DIDO1: variants seen among roughly 807,000 people sequenced by gnomAD.
DIDO1 encodes death-inducer obliterator 1.
In DIDO1, 16 loss-of-function variants were observed where a neutral mutation model predicts 99.4. The ratio of observed to expected loss-of-function variants is 0.16; its 90% CI spans 0.11 to 0.24. DIDO1 has a LOEUF of 0.24. Ranked by LOEUF, DIDO1 falls within the 10% of genes least tolerant of loss-of-function variation. The probability of loss-of-function intolerance (pLI) is 1.00; values close to 1 mark genes in which losing one functional copy is unlikely to be tolerated. For synonymous variants in DIDO1, 1,366 were observed against 1,239.1 expected (o/e 1.10, Z -2.15); for missense variants, 2,996 against 3,014.0 (o/e 0.99, Z 0.14).
At chr20:62,905,714 C>T in intron 6 of DIDO1, 173 bp downstream of exon 6, 1 of 1,607,370 alleles carries the variant, frequency 6.2e-7, no homozygotes, top group Non-Finnish European at 8.5e-7. Flanking sequence ...GGGATGGACA[C>T]AGGGCAGCAG....
chr20:62,888,315 C>T, intron 15 of DIDO1: 2 of 985,568 alleles, frequency 2.0e-6, no homozygotes, highest in African/African-American at 1.7e-5. Context: ...CCCAACAGGA[C>T]CTTCTCCTTA....
At chr20:62,916,196 A>T (rs1006389283) in intron 1 of DIDO1, among the ~76,000 whole-genome samples, 1 of 152,212 alleles carries the variant, frequency 6.6e-6, no homozygotes, top group South Asian at 2.1e-4. Context: ...CTGCAACCAT[A>T]TTGTATCAGT....
chr20:62,928,206 C>A (rs1057424171), upstream of DIDO1, among the ~76,000 whole-genome samples: 1 of 152,058 alleles, frequency 6.6e-6, no homozygotes, highest in Non-Finnish European at 1.5e-5. Context: ...TCACGCTGGG[C>A]ACTCAGGAGA....
intron 1 of DIDO1, among the ~76,000 whole-genome samples, chr20:62,935,106 G>A (rs2065368611): frequency 6.6e-6 from 1 of 152,100 alleles, no homozygotes; most frequent in South Asian, 2.1e-4. Context: ...CCTCGTTGTT[G>A]CACCTCCTTC....
At chr20:62,918,289 C>CATT (rs1317998790) in intron 1 of DIDO1, among the ~76,000 whole-genome samples, 2 of 152,238 alleles carry the variant, frequency 1.3e-5, no homozygotes, top group African/African-American at 4.8e-5. Flanking sequence ...TGCTTGAAGT[C>CATT]ATTAACTCAA....
chr20:62,901,817 GAA>G (rs11467476), intron 6 of DIDO1, among the ~76,000 whole-genome samples: 33,188 of 112,970 alleles, frequency 0.29, 3,940 homozygotes, highest in East Asian at 0.4. Context: ...TGTGTTAACA[GAA>G]AAAAAAAAAA....
At chr20:62,910,167 T>G in intron 3 of DIDO1, 147 bp from the exon 4 acceptor site, 2 of 970,424 alleles carry the variant, frequency 2.1e-6, no homozygotes, top group Non-Finnish European at 3.0e-6. Flanking sequence ...GCCTTTCCTT[T>G]GATTTTAACA....
intron 2 of DIDO1, among the ~76,000 whole-genome samples, chr20:62,913,955 CA>C (rs2064994214): frequency 6.6e-6 from 1 of 152,194 alleles, no homozygotes; most frequent in Non-Finnish European, 1.5e-5. Flanking sequence ...TGTTTTATAA[CA>C]TTTTTATTAT....
upstream of DIDO1, among the ~76,000 whole-genome samples, chr20:62,931,343 A>C (rs2065330422): frequency 6.6e-6 from 1 of 152,196 alleles, no homozygotes; most frequent in Non-Finnish European, 1.5e-5. Flanking sequence ...AAGGTGTCTA[A>C]GTTTTCTCTT....
At chr20:62,906,204 C>G in intron 5 of DIDO1, 104 bp from the exon 6 acceptor site, 1 of 1,426,734 alleles carries the variant, frequency 7.0e-7, no homozygotes, top group Non-Finnish European at 9.4e-7. Context: ...TTCCTGAGGC[C>G]ATCTGAAGAC....
At chr20:62,905,125 TG>T in intron 6 of DIDO1, 1 of 1,002,992 alleles carries the variant, frequency 1.0e-6, no homozygotes, top group Non-Finnish European at 1.2e-6. Context: ...ATTTGAAATT[TG>T]GGGCAGGATA....
At position 62,907,296 on chromosome 20, in the gene DIDO1, C is replaced by T. The variant is rs990014508; in HGVS notation, c.1225G>A (p.Asp409Asn). Residue 409 changes from aspartate to asparagine, a missense_variant, in exon 5 of 16, where the codon GAC becomes AAC. By Grantham distance (23) the Asp-to-Asn change is conservative. Coordinates refer to ENST00000395343, the MANE Select transcript of DIDO1 (RefSeq NM_001193369.2). ...CAGTCATTACTGCAGTACACCGAGT[C>T]GGGCTGCGCCACGTGACAGCACCCG... is the stretch of plus-strand genomic sequence containing the variant. ...GPGCCHVAQP[D>N]SVYCSNDCIL... 3 of 1,614,098 alleles carry T rather than the reference C, an allele frequency of 1.9e-6. No individual in the cohort carries two copies. Among genetic ancestry groups the T allele is most frequent in the African/African-American group, 1.3e-5 (1 of 74,940 alleles).
rs182902477 is a variant in DIDO1 at position 62,915,647 on chromosome 20, C to T, written c.-199-1241G>A. 6.4e-4 allele frequency among the ~76,000 whole-genome samples: 98 copies of T among 152,134 alleles called. 1 individual carries two copies. The highest frequency in any genetic ancestry group is 1.1e-3 in the Non-Finnish European group (73 of 67,992). On this transcript the variant is annotated intron_variant, in intron 1 of 15. Transcript: ENST00000395343. ...GGGACTACAGATGCGTGCCACTATG[C>T]CCAGCTAATTTTTGAAAAAAATTCT...
In DIDO1 at chr20:62,887,922, G is replaced by C. The variant is rs1002180059; in HGVS notation, c.3541+3038C>G. On this transcript the variant is annotated intron_variant, in intron 15 of 15. Transcript: ENST00000395343. ...GAGAGTGCCCCCACTGCGGGGCAGA[G>C]GGGCAGAGGAAGACAACCCGGTGTT... 6.1e-6 allele frequency: 6 copies of C among 985,398 alleles called. No individual in the cohort carries two copies. In the African/African-American group the frequency reaches 1.0e-4, roughly 17 times the overall value. 61.0% of individuals were successfully genotyped at this position (985,398 alleles called of 1,614,324 possible). A position where few individuals can be genotyped will look rare whatever the true frequency, so the allele number is the denominator to read the frequency against.
At chr20:62,916,990 T>C (rs545307390) in intron 1 of DIDO1, among the ~76,000 whole-genome samples, 2 of 152,292 alleles carry the variant, frequency 1.3e-5, no homozygotes, top group African/African-American at 4.8e-5. Context: ...AACAGACAGA[T>C]TCTCAATGTC....
chr20:62,881,429 G>A lies in DIDO1; in HGVS notation c.4527C>T (p.Val1509=). The A allele has an allele frequency of 6.2e-7, 1 of 1,608,480 alleles. No homozygotes were observed. Among genetic ancestry groups the A allele is most frequent in the Non-Finnish European group, 8.5e-7 (1 of 1,179,980 alleles). ...ALRQQRAAVG[V]SMAHFSVSDA... Reference sequence around the variant, plus strand: ...CCGACACCGAGAAGTGGGCCATGGAGACCCCGACGGCGGCCCTCTGCTGCC... The same window carrying A: ...CCGACACCGAGAAGTGGGCCATGGAAACCCCGACGGCGGCCCTCTGCTGCC... Residue 1509 remains valine, a synonymous_variant, in exon 16 of 16, where the codon GTC becomes GTT. Coordinates refer to ENST00000395343, the MANE Select transcript of DIDO1 (RefSeq NM_001193369.2). This position sits in a 1 kb window ranked among gnomAD's most constrained non-coding sequence, Gnocchi z 8.3.
chr20:62,928,464 T>A (rs1353916074), upstream of DIDO1, among the ~76,000 whole-genome samples: 2 of 152,124 alleles, frequency 1.3e-5, no homozygotes, highest in Non-Finnish European at 2.9e-5. Flanking sequence ...CTGGCCAGAC[T>A]ATCCACTCTG....
chr20:62,879,789 C>A lies in DIDO1; in HGVS notation c.6167G>T (p.Gly2056Val). The change falls in exon 16 of 16, where the codon GGA becomes GTA. Residue 2056 changes from glycine (G) to valine (V), a missense_variant. Around this residue, in one of 5 missense-constraint regions of DIDO1, gnomAD observed 1,562 missense variants for 1,412.6 expected, o/e 1.11. Coordinates refer to ENST00000395343, the MANE Select transcript of DIDO1 (RefSeq NM_001193369.2). The surrounding 1 kb of genome is among the most constrained non-coding windows in gnomAD (Gnocchi z 6.3). ...CTGTCCGTCGGCCTCGGGGCCCTGT[C>A]CGGGCGCACTGGAGGAGAGCGCGGA... is the stretch of plus-strand genomic sequence containing the variant. ...PPSALSSSAP[G>V]QGPEADGQWA... 1 of 1,611,528 alleles carries A rather than the reference C, an allele frequency of 6.2e-7. No homozygotes were observed. The highest frequency in any genetic ancestry group is 8.5e-7 in the Non-Finnish European group (1 of 1,179,760).
rs1317917424 is a variant in DIDO1 at position 62,879,944 on chromosome 20, C to T, written c.6012G>A (p.Gln2004=). 6.2e-7 allele frequency: 1 copy of T among 1,604,686 alleles called. No homozygotes were observed. The highest frequency in any genetic ancestry group is 1.3e-5 in the African/African-American group (1 of 74,162). ...GSAPFSEKNE[Q]TPSRFHFQGQ... ...CCTGGAAGTGAAATCGCGAAGGGGTCTGCTCATTTTTTTCAGAAAAGGGTG... is the reference window on the plus strand; with the variant it reads ...CCTGGAAGTGAAATCGCGAAGGGGTTTGCTCATTTTTTTCAGAAAAGGGTG... The change falls in exon 16 of 16, where the codon CAG becomes CAA. Residue 2004 remains glutamine, a synonymous_variant. Transcript: ENST00000395343. The surrounding 1 kb of genome is among the most constrained non-coding windows in gnomAD (Gnocchi z 6.3).
Sources: gnomAD v4.1 joint callset for allele counts (sites outside exome capture counted in the v4.1 genomes callset) on GRCh38, gnomAD v4.1.1 for gene constraint, gnomAD v4.1.1 regional missense constraint, Gnocchi (gnomAD v3.1) non-coding constraint, MANE v1.5 for transcripts, NCBI Gene and HGNC (gene_info 2026-07-23, HGNC 2026-07-21) for gene names.